The following ADARB2 variants were observed in gnomAD, a reference collection of about 807,000 sequenced individuals.
ADARB2 encodes the protein adenosine deaminase RNA specific B2 (inactive), also known as inactive double-stranded RNA-specific editase B2.
In ADARB2, 25 loss-of-function variants were observed where a neutral mutation model predicts 62.2. That is an observed-to-expected ratio of 0.40 (90% CI 0.29 to 0.56). The LOEUF (loss-of-function observed/expected upper bound fraction) is 0.56. Among genes scored for constraint, ADARB2 ranks in the 20% least tolerant of loss-of-function variants. The pLI, the probability that ADARB2 is intolerant of heterozygous loss-of-function variation, is 0.43. For synonymous variants in ADARB2, 572 were observed against 500.8 expected, an observed-to-expected ratio of 1.14 and a Z score of -1.90; for missense variants, 1,071 against 1,077.4, an observed-to-expected ratio of 0.99 and a Z score of 0.08.
intron 1 of ADARB2, among the ~76,000 whole-genome samples, chr10:1,625,805 T>C (rs552471716): frequency 7.4e-5 from 11 of 148,490 alleles, no homozygotes; most frequent in Admixed American, 2.0e-4. Context: ...CCTGCTGAGC[T>C]GTGGCCTTCC....
chr10:1,363,633 C>T lies in ADARB2; in HGVS notation c.472G>A (p.Val158Ile), dbSNP rs767424216. The T allele has an allele frequency of 6.2e-6, 10 of 1,605,436 alleles. No individual in the cohort carries two copies. Among genetic ancestry groups the T allele is most frequent in the Non-Finnish European group, 8.5e-6 (10 of 1,175,948 alleles). The change falls in exon 3 of 10, where the codon GTA becomes ATA. Residue 158 changes from valine (V) to isoleucine (I), a missense_variant. Val to Ile is a conservative substitution (Grantham distance 29, BLOSUM62 3). Coordinates refer to ENST00000381312, the MANE Select transcript of ADARB2 (RefSeq NM_018702.4). ...GTGAGCCCGTTCACCTCCACCGCTA[C>T]CGCGAAGACCGGGGCATGCACCGGG... ...TGPVHAPVFA[V>I]AVEVNGLTFE...
intron 1 of ADARB2, among the ~76,000 whole-genome samples, chr10:1,693,361 T>A (rs1834697358): frequency 6.6e-6 from 1 of 152,136 alleles, no homozygotes; most frequent in Non-Finnish European, 1.5e-5. Flanking sequence ...TCAATGTGGG[T>A]AAGAAGACCT....
At chr10:1,564,161 G>A (rs1373950203) in intron 1 of ADARB2, among the ~76,000 whole-genome samples, 2 of 152,162 alleles carry the variant, frequency 1.3e-5, no homozygotes, top group African/African-American at 4.8e-5. Flanking sequence ...TAGGATGGCT[G>A]GGTCAAATGG....
intron 1 of ADARB2, among the ~76,000 whole-genome samples, chr10:1,403,440 C>G (rs1832681913): frequency 6.6e-6 from 1 of 152,134 alleles, no homozygotes; most frequent in African/African-American, 2.4e-5. Flanking sequence ...GGACTGTGCT[C>G]CTTGAAATTA....
intron 4 of ADARB2, among the ~76,000 whole-genome samples, chr10:1,256,221 T>C (rs1453567326): frequency 6.6e-6 from 1 of 152,208 alleles, no homozygotes; most frequent in Non-Finnish European, 1.5e-5. Flanking sequence ...CTGGCTCTGC[T>C]GTGGAGACTG....
At chr10:1,475,290 A>C (rs979834952) in intron 1 of ADARB2, among the ~76,000 whole-genome samples, 3 of 152,222 alleles carry the variant, frequency 2.0e-5, no homozygotes, top group Admixed American at 6.5e-5. Flanking sequence ...ACTTGACCGC[A>C]GGCTGGGTTT....
chr10:1,403,130 G>A (rs1219688648), intron 1 of ADARB2, among the ~76,000 whole-genome samples: 2 of 152,226 alleles, frequency 1.3e-5, no homozygotes, highest in African/African-American at 4.8e-5. Context: ...GCCGGCTGCT[G>A]CCTCCACTGG....
intron 1 of ADARB2, among the ~76,000 whole-genome samples, chr10:1,491,534 C>G (rs751296675): frequency 6.6e-6 from 1 of 152,130 alleles, no homozygotes; most frequent in Non-Finnish European, 1.5e-5. Flanking sequence ...AGTCATCCTG[C>G]CTGACAATTA....
At chr10:1,319,392 G>C (rs1831775244) in intron 3 of ADARB2, among the ~76,000 whole-genome samples, 1 of 152,140 alleles carries the variant, frequency 6.6e-6, no homozygotes, top group Non-Finnish European at 1.5e-5. Flanking sequence ...ATCTTTCAAA[G>C]CATAAAAGCA....
intron 1 of ADARB2, among the ~76,000 whole-genome samples, chr10:1,583,027 T>C (rs1833126845): frequency 6.6e-6 from 1 of 152,244 alleles, no homozygotes; most frequent in African/African-American, 2.4e-5. Flanking sequence ...GTACTTGTTG[T>C]CACCAATATT....
chr10:1,628,328 T>C (rs1026929498), intron 1 of ADARB2, among the ~76,000 whole-genome samples: 2 of 152,222 alleles, frequency 1.3e-5, no homozygotes, highest in Non-Finnish European at 2.9e-5. Flanking sequence ...CTACCGATGT[T>C]AGGCTGCGTT....
intron 3 of ADARB2, among the ~76,000 whole-genome samples, chr10:1,315,801 A>G (rs1831734097): frequency 6.6e-6 from 1 of 152,268 alleles, no homozygotes; most frequent in Non-Finnish European, 1.5e-5. Context: ...TCCATCGACC[A>G]AAATAAATGA....
intron 1 of ADARB2, among the ~76,000 whole-genome samples, chr10:1,563,091 T>C (rs1015615771): frequency 2.0e-4 from 31 of 152,050 alleles, no homozygotes; most frequent in African/African-American, 7.2e-4. Context: ...CTTTGAGCTG[T>C]CCAGGGTGAG....
chr10:1,569,588 G>T (rs1285633309), intron 1 of ADARB2, among the ~76,000 whole-genome samples: 2 of 152,192 alleles, frequency 1.3e-5, no homozygotes, highest in African/African-American at 4.8e-5. Flanking sequence ...GAGCTGCAGA[G>T]GAGGAGGCCT....
intron 3 of ADARB2, among the ~76,000 whole-genome samples, chr10:1,333,189 TCC>T (rs746193878): frequency 6.6e-6 from 1 of 152,242 alleles, no homozygotes; most frequent in African/African-American, 2.4e-5. Context: ...CTAGCTTTTC[TCC>T]TGGTTTTGAT....
At position 1,512,453 on chromosome 10, in the gene ADARB2, C is replaced by T. The variant is rs61831921; in HGVS notation, c.101-133293G>A. On this transcript the variant is annotated intron_variant, in intron 1 of 9. Coordinates refer to ENST00000381312, the MANE Select transcript of ADARB2 (RefSeq NM_018702.4). ...TACCAAGACTTTGATGCTGTCTACACTGGATACCAAGATGGGTGTTTCACG... is the reference window on the plus strand; with the variant it reads ...TACCAAGACTTTGATGCTGTCTACATTGGATACCAAGATGGGTGTTTCACG... Among the ~76,000 whole-genome samples the T allele has an allele frequency of 8.5e-3, 1,294 of 152,368 alleles. 15 individuals are homozygous for T. The highest frequency in any genetic ancestry group is 0.02 in the South Asian group (95 of 4,830).
intron 1 of ADARB2, among the ~76,000 whole-genome samples, chr10:1,543,672 A>G (rs1832472503): frequency 6.6e-6 from 1 of 152,200 alleles, no homozygotes; most frequent in Non-Finnish European, 1.5e-5. Flanking sequence ...TCAACGGATA[A>G]AGGGAGCTTT....
At position 1,477,279 on chromosome 10, in the gene ADARB2, G is replaced by A. The variant is rs961086360; in HGVS notation, c.101-98119C>T. Among the ~76,000 whole-genome samples, 18 of 152,148 alleles carry A rather than the reference G, an allele frequency of 1.2e-4. No homozygotes were observed. Among genetic ancestry groups the A allele is most frequent in the East Asian group, 5.8e-4 (3 of 5,184 alleles). The stretch of plus-strand genomic sequence containing the variant: ...AACGTTGAGGAAGGCGCTACAGGTC[G>A]GGGAGAACAGTTGTTCTGAGAGACG... On this transcript the variant is annotated intron_variant, in intron 1 of 9. Transcript: ENST00000381312. This position sits in a 1 kb window ranked among gnomAD's most constrained non-coding sequence, Gnocchi z 4.5.
chr10:1,199,893 C>T (rs1187148037), intron 8 of ADARB2, 73 bp downstream of exon 8: 6 of 1,402,540 alleles, frequency 4.3e-6, no homozygotes, highest in Non-Finnish European at 5.6e-6. Flanking sequence ...CGAGGGATGG[C>T]ACCGCCGGGC....
Sources: allele counts gnomAD v4.1 joint callset (sites outside exome capture counted in the v4.1 genomes callset), GRCh38; gene constraint gnomAD v4.1.1; non-coding constraint Gnocchi (gnomAD v3.1); transcripts MANE v1.5; gene names NCBI Gene and HGNC (gene_info 2026-07-23, HGNC 2026-07-21).